Variants in ZFAND4 observed in about 807,000 individuals in gnomAD.
ZFAND4 encodes AN1-type zinc finger protein 4.
A neutral mutation model predicts 64.4 loss-of-function variants in ZFAND4; 43 were observed. The ratio of observed to expected loss-of-function variants is 0.67; its 90% CI spans 0.52 to 0.86. The LOEUF (loss-of-function observed/expected upper bound fraction) is 0.86. ZFAND4 is among the 40% of genes least tolerant of loss of function. The probability of loss-of-function intolerance (pLI) is 0.00; values close to 1 mark genes in which losing one functional copy is unlikely to be tolerated. For missense variants in ZFAND4, 929 were observed against 859.8 expected (o/e 1.08, Z -1.01); for synonymous variants, 296 against 305.7 (o/e 0.97, Z 0.33).
rs1183991131 is a variant in ZFAND4, at chr10:45,648,820, TTTTTC to T, written c.329-291_329-287del. The T allele has an allele frequency of 5.0e-6, 3 of 603,460 alleles. No homozygotes were observed. The Admixed American group carries it at 1.9e-4, about 38-fold the overall frequency. 37.4% of individuals were successfully genotyped at this position (603,460 alleles called of 1,614,324 possible). ...TGTCCTATGCCATTATAGTCTATAT[TTTTTC>T]CCTATGTCACTAGAGTCTGTGTATT... On this transcript the variant is annotated intron_variant, in intron 4 of 9. Coordinates refer to ENST00000344646, the MANE Select transcript of ZFAND4 (RefSeq NM_174890.4).
intron 5 of ZFAND4, among the ~76,000 whole-genome samples, chr10:45,643,612 G>C (rs2047177651): frequency 6.8e-6 from 1 of 147,714 alleles, no homozygotes. Flanking sequence ...AGAGGTTGCA[G>C]TGAGCCAAGA....
At chr10:45,665,477 G>T (rs907841596) in intron 1 of ZFAND4, among the ~76,000 whole-genome samples, 3 of 151,970 alleles carry the variant, frequency 2.0e-5, no homozygotes, top group African/African-American at 7.3e-5. Flanking sequence ...GGAGGCAGAG[G>T]TTGCAGTGAG....
chr10:45,636,672 C>T (rs763029071), intron 6 of ZFAND4, among the ~76,000 whole-genome samples: 3 of 151,556 alleles, frequency 2.0e-5, no homozygotes, highest in Non-Finnish European at 4.4e-5. Context: ...TGTTTTATGG[C>T]ACACAATATG....
Position 45,648,412 on chromosome 10 carries a change from A to T in ZFAND4, c.451T>A (p.Leu151Met). 6.2e-7 allele frequency: 1 copy of T among 1,614,068 alleles called. No homozygotes were observed. The highest frequency in any genetic ancestry group is 8.5e-7 in the Non-Finnish European group (1 of 1,179,976). The change falls in exon 5 of 10, where the codon TTG becomes ATG. Residue 151 changes from leucine (L) to methionine (M), a missense_variant. Physicochemically the swap from Leu to Met is conservative, Grantham distance 15. Coordinates refer to ENST00000344646, the MANE Select transcript of ZFAND4 (RefSeq NM_174890.4). ...CTATCTACTGCAGGAAAGAAATTCA[A>T]TTGATCTCCTTCTTGGTATACCAAA... ...TFLVYQEGDQ[L>M]NFFPAVDRGD...
intron 5 of ZFAND4, chr10:45,640,267 C>T: frequency 8.2e-7 from 1 of 1,225,886 alleles, no homozygotes; most frequent in Non-Finnish European, 1.0e-6. Context: ...AGGCAAAATC[C>T]ATTTCCATGA....
At chr10:45,651,214 T>C in intron 4 of ZFAND4, 1 of 168,004 alleles carries the variant, frequency 6.0e-6, no homozygotes, top group Non-Finnish European at 1.3e-5. Flanking sequence ...CATACCTGAC[T>C]CAGGGACCAA....
rs776796096 is a variant in ZFAND4, at chr10:45,626,644, T to C, written c.1179A>G (p.Ser393=). The C allele has an allele frequency of 2.5e-6, 4 of 1,614,088 alleles. No individual in the cohort carries two copies. The African/African-American group carries it at 4.0e-5, about 16-fold the overall frequency. The change falls in exon 7 of 10, where the codon TCA becomes TCG. Residue 393 remains serine (S), a synonymous_variant. Coordinates refer to ENST00000344646, the MANE Select transcript of ZFAND4 (RefSeq NM_174890.4). The part of the protein sequence containing the change: ...LPSEECVTEQ[S]LLPKVGSLAS... ...CCAGTGAGCCCACTTTAGGTAGAAG[T>C]GATTGTTCGGTTACACATTCTTCTG...
intron 6 of ZFAND4, among the ~76,000 whole-genome samples, chr10:45,630,201 T>A (rs897428876): frequency 6.6e-6 from 1 of 152,182 alleles, no homozygotes; most frequent in South Asian, 2.1e-4. Context: ...TCCATCACAA[T>A]ACCCCAACCT....
intron 5 of ZFAND4, 40 bp from the exon 6 acceptor site, chr10:45,640,003 C>T (rs2046876915): frequency 6.4e-7 from 1 of 1,574,352 alleles, no homozygotes; most frequent in Non-Finnish European, 8.6e-7. Context: ...TTTTCTGATA[C>T]CTGCTCAGTG....
intron 5 of ZFAND4, among the ~76,000 whole-genome samples, chr10:45,643,498 G>A (rs1003329139): frequency 2.6e-5 from 4 of 151,086 alleles, no homozygotes; most frequent in Non-Finnish European, 5.9e-5. Flanking sequence ...GTGAAACCCC[G>A]TCTCTGCTAA....
intron 5 of ZFAND4, among the ~76,000 whole-genome samples, chr10:45,645,719 G>T (rs1250137588): frequency 1.3e-5 from 2 of 152,272 alleles, no homozygotes; most frequent in East Asian, 3.9e-4. Context: ...TAGAAATTAA[G>T]TGATATCTCT....
chr10:45,669,480 A>T (rs2049040719), intron 1 of ZFAND4, among the ~76,000 whole-genome samples: 1 of 152,236 alleles, frequency 6.6e-6, no homozygotes, highest in Non-Finnish European at 1.5e-5. Context: ...ATTCCTTCTG[A>T]AACTATTCCA....
chr10:45,640,516 A>G (rs897551554), intron 5 of ZFAND4: 4 of 948,582 alleles, frequency 4.2e-6, no homozygotes, highest in African/African-American at 3.6e-5. Flanking sequence ...TTCTTGAGAC[A>G]GTCTCACTCT....
chr10:45,661,778 TA>T (rs2048486290), intron 2 of ZFAND4, among the ~76,000 whole-genome samples: 1 of 151,916 alleles, frequency 6.6e-6, no homozygotes, highest in Admixed American at 6.6e-5. Flanking sequence ...CCATCTCTAC[TA>T]AAAGTGCAAA....
chr10:45,640,525 CTT>C (rs1345146314), intron 5 of ZFAND4: 67 of 843,274 alleles, frequency 7.9e-5, no homozygotes, highest in Admixed American at 2.2e-4. Flanking sequence ...CAGTCTCACT[CTT>C]GTCGCCAGGC....
chr10:45,648,361 A>G lies in ZFAND4; in HGVS notation c.502T>C (p.Ser168Pro), dbSNP rs2133768536. 1 of 1,614,016 alleles carries G rather than the reference A, an allele frequency of 6.2e-7. No homozygotes were observed. The highest frequency in any genetic ancestry group is 8.5e-7 in the Non-Finnish European group (1 of 1,179,956). Residue 168 changes from serine (S) to proline (P), a missense_variant, in exon 5 of 10, where the codon TCT becomes CCT. Physicochemically the swap from Ser to Pro is moderately conservative, Grantham distance 74. Coordinates refer to ENST00000344646, the MANE Select transcript of ZFAND4 (RefSeq NM_174890.4). ...AAATCTATTTTCTTTGAAGAGTCAG[A>G]TAACGGTGTTAAAGTGCCATCTCCC... The part of the protein sequence containing the change: ...DRGDGTLTPL[S>P]DSSKKIDFHL...
chr10:45,623,381 C>G (rs1295746759), intron 8 of ZFAND4, among the ~76,000 whole-genome samples: 1 of 152,124 alleles, frequency 6.6e-6, no homozygotes, highest in Non-Finnish European at 1.5e-5. Context: ...TGTCTATTAA[C>G]AGATGAATGG....
chr10:45,647,664 G>A (rs144330788), intron 5 of ZFAND4, among the ~76,000 whole-genome samples: 60 of 152,044 alleles, frequency 3.9e-4, no homozygotes, highest in Non-Finnish European at 7.5e-4. Flanking sequence ...ACTCTTCATA[G>A]CAGACTGCAT....
intron 6 of ZFAND4, among the ~76,000 whole-genome samples, chr10:45,628,521 C>A (rs1289150947): frequency 1.3e-5 from 2 of 152,142 alleles, no homozygotes; most frequent in African/African-American, 4.8e-5. Flanking sequence ...GTTGGCCAGG[C>A]TGGTCTCGAA....
Sources: allele counts gnomAD v4.1 joint callset (sites outside exome capture counted in the v4.1 genomes callset), GRCh38; gene constraint gnomAD v4.1.1; transcripts MANE v1.5; gene names NCBI Gene and HGNC (gene_info 2026-07-23, HGNC 2026-07-21).